The following PDE1A variants were observed in gnomAD, a reference collection of about 807,000 sequenced individuals.
PDE1A encodes the protein dual specificity calcium/calmodulin-dependent 3',5'-cyclic nucleotide phosphodiesterase 1A.
In PDE1A, 35 loss-of-function variants were observed where a neutral mutation model predicts 61.7. The observed-to-expected ratio is 0.57, with a 90% CI of 0.43 to 0.75. The LOEUF (loss-of-function observed/expected upper bound fraction) is 0.75. PDE1A is among the 30% of genes least tolerant of loss of function. The pLI, the probability that PDE1A is intolerant of heterozygous loss-of-function variation, is 0.00. For synonymous variants in PDE1A, 232 were observed against 213.2 expected (o/e 1.09, Z -0.77); for missense variants, 597 against 630.6 (o/e 0.95, Z 0.57).
chr2:182,592,361 T>G, the PDE1A span, among the ~76,000 whole-genome samples: 3 of 152,202 alleles, frequency 2.0e-5, no homozygotes, highest in Non-Finnish European at 2.9e-5. Flanking sequence ...AGGTGTTCAG[T>G]TCAAAGAATG....
At chr2:182,298,442 G>A (rs1173697413) in intron 1 of PDE1A, among the ~76,000 whole-genome samples, 1 of 152,096 alleles carries the variant, frequency 6.6e-6, no homozygotes, top group East Asian at 1.9e-4. Flanking sequence ...GTCCTATATG[G>A]TGAAGTAAGG....
chr2:182,648,795 T>A, the PDE1A span, among the ~76,000 whole-genome samples: 1 of 151,910 alleles, frequency 6.6e-6, no homozygotes, highest in Non-Finnish European at 1.5e-5. Context: ...ATACCTGTAA[T>A]ATGAAGACAT....
chr2:182,249,284 C>G (rs1301843691), intron 2 of PDE1A, among the ~76,000 whole-genome samples: 2 of 152,222 alleles, frequency 1.3e-5, no homozygotes, highest in Admixed American at 6.5e-5. Flanking sequence ...ATGTAGGAGA[C>G]AGGCTTGGGG....
At chr2:182,146,485 T>TTAG (rs1690502038), downstream of PDE1A, among the ~76,000 whole-genome samples, 1 of 151,946 alleles carries the variant, frequency 6.6e-6, no homozygotes, top group African/African-American at 2.4e-5. Flanking sequence ...TTTATTATTG[T>TTAG]TATTATTATT....
intron 1 of PDE1A, among the ~76,000 whole-genome samples, chr2:182,335,019 A>G (rs1188846683): frequency 2.6e-5 from 4 of 152,182 alleles, no homozygotes; most frequent in African/African-American, 9.6e-5. Flanking sequence ...GTGAACCCCC[A>G]TTTACAATTT....
intron 1 of PDE1A, among the ~76,000 whole-genome samples, chr2:182,398,518 T>C (rs1701829568): frequency 6.6e-6 from 1 of 152,074 alleles, no homozygotes; most frequent in South Asian, 2.1e-4. Context: ...TAGGTCATGT[T>C]CTTTTGCACA....
chr2:182,205,891 T>C (rs964898925), intron 8 of PDE1A, 49 bp downstream of exon 8: 3 of 1,536,978 alleles, frequency 2.0e-6, no homozygotes, highest in Non-Finnish European at 2.7e-6. Context: ...TCGCATAATT[T>C]ATTCCTTTCC....
At chr2:182,598,897 G>T in the PDE1A span, among the ~76,000 whole-genome samples, 1 of 152,218 alleles carries the variant, frequency 6.6e-6, no homozygotes, top group Non-Finnish European at 1.5e-5. Context: ...ATAGCACACA[G>T]CTTATCTGTG....
chr2:182,423,419 A>G (rs557736657), intron 1 of PDE1A, among the ~76,000 whole-genome samples: 1 of 152,338 alleles, frequency 6.6e-6, no homozygotes, highest in East Asian at 1.9e-4. Context: ...GCCTCCTAAT[A>G]TCGTAGCCAG....
chr2:182,479,707 A>G (rs1687587865), intron 2 of PDE1A, among the ~76,000 whole-genome samples: 1 of 152,036 alleles, frequency 6.6e-6, no homozygotes, highest in South Asian at 2.1e-4. Context: ...TTCTGCCTCT[A>G]GTATTTGTTG....
intron 7 of PDE1A, among the ~76,000 whole-genome samples, chr2:182,212,243 CTATA>C (rs74547026): frequency 3.3e-5 from 5 of 149,714 alleles, no homozygotes; most frequent in Non-Finnish European, 5.9e-5. Flanking sequence ...ATATATCTTT[CTATA>C]TATATATATG....
At chr2:182,402,772 T>C (rs888362524) in intron 1 of PDE1A, among the ~76,000 whole-genome samples, 4 of 152,310 alleles carry the variant, frequency 2.6e-5, no homozygotes, top group South Asian at 4.1e-4. Context: ...TCTTGCAATC[T>C]ATCCATCTGA....
At chr2:182,483,567 G>T (rs1687830587) in intron 2 of PDE1A, among the ~76,000 whole-genome samples, 1 of 151,826 alleles carries the variant, frequency 6.6e-6, no homozygotes, top group Non-Finnish European at 1.5e-5. Flanking sequence ...CAGATAAATG[G>T]AGTTATAATG....
At chr2:182,626,816 T>TATATATACATATATATATAC in the PDE1A span, among the ~76,000 whole-genome samples, 43 of 23,196 alleles carry the variant, frequency 1.9e-3, 10 homozygotes, top group South Asian at 0.012. Flanking sequence ...TATATATACA[T>TATATATACATATATATATAC]ATATATATAC....
the PDE1A span, among the ~76,000 whole-genome samples, chr2:182,713,979 G>A: frequency 6.6e-6 from 1 of 152,056 alleles, no homozygotes; most frequent in Non-Finnish European, 1.5e-5. Context: ...CCTCCTAATT[G>A]CCAGACCTAA....
chr2:182,603,259 C>T, the PDE1A span, among the ~76,000 whole-genome samples: 1 of 152,154 alleles, frequency 6.6e-6, no homozygotes, highest in African/African-American at 2.4e-5. Flanking sequence ...TGCTGATATT[C>T]ACTCCCTAAA....
chr2:182,431,120 T>A (rs1016185956), upstream of PDE1A, among the ~76,000 whole-genome samples: 2 of 71,776 alleles, frequency 2.8e-5, no homozygotes. Flanking sequence ...AAAAAAAACA[T>A]TAAAAAAAAA....
At chr2:182,193,263 G>C (rs1685866266) in intron 10 of PDE1A, among the ~76,000 whole-genome samples, 1 of 152,102 alleles carries the variant, frequency 6.6e-6, no homozygotes, top group African/African-American at 2.4e-5. Flanking sequence ...TGGTATTACA[G>C]GCGTGAGCCA....
At chr2:182,158,245 C>G (rs1018982034) in intron 13 of PDE1A, among the ~76,000 whole-genome samples, 1 of 152,138 alleles carries the variant, frequency 6.6e-6, no homozygotes, top group Non-Finnish European at 1.5e-5. Context: ...TCACAAAGTA[C>G]TTTATTGATC....
Sources: gnomAD v4.1 joint callset for allele counts (sites outside exome capture counted in the v4.1 genomes callset) on GRCh38, gnomAD v4.1.1 for gene constraint, MANE v1.5 for transcripts, NCBI Gene and HGNC (gene_info 2026-07-23, HGNC 2026-07-21) for gene names.